The following IL5 variants were observed in gnomAD, a reference collection of about 807,000 sequenced individuals.
The protein encoded by IL5 is interleukin-5.
In IL5, 12 loss-of-function variants were observed where a neutral mutation model predicts 16.3. The ratio of observed to expected loss-of-function variants is 0.74; its 90% confidence interval spans 0.47 to 1.20. The LOEUF is 1.20. Among genes scored for constraint, IL5 ranks in the 50% most tolerant of loss-of-function variants. The pLI is 0.00. For missense variants in IL5, 159 were observed against 153.9 expected, an observed-to-expected ratio of 1.03 and a Z score of -0.17; for synonymous variants, 54 against 56.6, an observed-to-expected ratio of 0.95 and a Z score of 0.21.
At chr5:132,552,346 A>G (rs1025874242) in intron 1 of IL5, among the ~76,000 whole-genome samples, 1 of 152,212 alleles carries the variant, frequency 6.6e-6, no homozygotes, top group Non-Finnish European at 1.5e-5. Context: ...AGTATCTCAT[A>G]GTAGTTTTAT....
intron 2 of IL5, 80 bp downstream of exon 2, chr5:132,543,014 T>C (rs1302144938): frequency 6.7e-6 from 7 of 1,044,962 alleles, no homozygotes; most frequent in African/African-American, 1.6e-5. Flanking sequence ...ATAGTTCCAA[T>C]GATAACTAAT....
intron 1 of IL5, among the ~76,000 whole-genome samples, chr5:132,551,512 G>A (rs753339829): frequency 2.0e-5 from 3 of 152,030 alleles, no homozygotes; most frequent in Non-Finnish European, 4.4e-5. Context: ...GAGGTGAATT[G>A]GCATGTCTAC....
At chr5:132,556,802 T>C (rs1381562269) in exon 1 of IL5, 2 of 1,204,940 alleles carry the variant, frequency 1.7e-6, no homozygotes, top group South Asian at 1.8e-5. Context: ...CTCTCCAGGC[T>C]GCCCATCCCC....
upstream of IL5, among the ~76,000 whole-genome samples, chr5:132,547,728 G>A (rs1749815732): frequency 6.6e-6 from 1 of 152,180 alleles, no homozygotes; most frequent in African/African-American, 2.4e-5. Flanking sequence ...TAACAGTCTT[G>A]AAACTTCTCT....
chr5:132,543,202 A>T, intron 1 of IL5, 76 bp from the exon 2 acceptor site: 2 of 1,463,748 alleles, frequency 1.4e-6, no homozygotes, highest in South Asian at 2.3e-5. Context: ...TTTGCTGGTG[A>T]TGTAGTTATC....
chr5:132,548,936 G>A (rs1749837705), intron 1 of IL5, among the ~76,000 whole-genome samples: 2 of 152,146 alleles, frequency 1.3e-5, no homozygotes, highest in African/African-American at 4.8e-5. Context: ...TGTAAGCTTT[G>A]TTCATATCAA....
At chr5:132,548,710 G>C (rs1247520735) in intron 1 of IL5, among the ~76,000 whole-genome samples, 1 of 152,148 alleles carries the variant, frequency 6.6e-6, no homozygotes, top group African/African-American at 2.4e-5. Flanking sequence ...CCCTATCCAG[G>C]ATTGGTGCTC....
At chr5:132,542,968 C>T in intron 2 of IL5, 126 bp downstream of exon 2, 2 of 696,332 alleles carry the variant, frequency 2.9e-6, no homozygotes, top group South Asian at 1.7e-5. Context: ...CAGACATTCA[C>T]AGCCACCCAT....
chr5:132,548,084 T>A (rs1476530024), upstream of IL5, among the ~76,000 whole-genome samples: 1 of 151,926 alleles, frequency 6.6e-6, no homozygotes, highest in Non-Finnish European at 1.5e-5. Flanking sequence ...AATAAATAAA[T>A]AAATAATAAT....
upstream of IL5, among the ~76,000 whole-genome samples, chr5:132,546,660 C>T (rs1211723406): frequency 6.6e-6 from 1 of 152,032 alleles, no homozygotes; most frequent in African/African-American, 2.4e-5. Flanking sequence ...TTAACTTTTC[C>T]TCTATAAGTG....
chr5:132,549,761 T>G (rs1389904533), intron 1 of IL5, among the ~76,000 whole-genome samples: 2 of 152,234 alleles, frequency 1.3e-5, no homozygotes, highest in Non-Finnish European at 1.5e-5. Flanking sequence ...CATGAACTGA[T>G]TCTAATCAAC....
intron 1 of IL5, among the ~76,000 whole-genome samples, chr5:132,551,935 T>C (rs1321893229): frequency 6.6e-6 from 1 of 152,148 alleles, no homozygotes; most frequent in Non-Finnish European, 1.5e-5. Context: ...CATGTACCAA[T>C]ATTAATATCA....
intron 2 of IL5, 98 bp downstream of exon 2, chr5:132,542,996 A>C: frequency 1.1e-6 from 1 of 908,900 alleles, no homozygotes; most frequent in Non-Finnish European, 1.8e-6. Flanking sequence ...CAAAATATAG[A>C]AAATTAAATA....
chr5:132,551,123 A>G (rs2149826576), intron 1 of IL5, among the ~76,000 whole-genome samples: 1 of 152,352 alleles, frequency 6.6e-6, no homozygotes, highest in East Asian at 1.9e-4. Flanking sequence ...CAAGGAATAA[A>G]GAAAGCTTGG....
chr5:132,543,512 A>G lies in IL5; in HGVS notation c.-34T>C. ...AACGTTCTGCGTTTGCCTTTGGCAAAGAAAGTGCATAGTACAAGACTGCGT... is the reference window on the plus strand; with the variant it reads ...AACGTTCTGCGTTTGCCTTTGGCAAGGAAAGTGCATAGTACAAGACTGCGT... On this transcript the variant is annotated 5_prime_UTR_variant, in exon 1 of 4. Coordinates refer to ENST00000231454, the MANE Select transcript of IL5 (RefSeq NM_000879.3). The G allele has an allele frequency of 6.2e-7, 1 of 1,610,016 alleles. No homozygotes were observed. Among genetic ancestry groups the G allele is most frequent in the South Asian group, 1.1e-5 (1 of 90,500 alleles).
upstream of IL5, among the ~76,000 whole-genome samples, chr5:132,547,048 A>G (rs968317778): frequency 6.6e-6 from 1 of 152,154 alleles, no homozygotes; most frequent in Non-Finnish European, 1.5e-5. Context: ...GAGCTTTATT[A>G]ATGCAAAACT....
At chr5:132,547,841 G>A (rs190850313), upstream of IL5, among the ~76,000 whole-genome samples, 1 of 152,240 alleles carries the variant, frequency 6.6e-6, no homozygotes, top group East Asian at 1.9e-4. Context: ...AGGCTGAGGT[G>A]GGTGGATTGG....
At chr5:132,544,556 T>C (rs768439130), upstream of IL5, among the ~76,000 whole-genome samples, 3 of 152,224 alleles carry the variant, frequency 2.0e-5, no homozygotes, top group Non-Finnish European at 4.4e-5. Flanking sequence ...TTTCACACCT[T>C]GGGCGGGCCA....
At chr5:132,553,871 G>A (rs1749924935) in intron 1 of IL5, among the ~76,000 whole-genome samples, 1 of 148,158 alleles carries the variant, frequency 6.7e-6, no homozygotes, top group Admixed American at 6.9e-5. Context: ...CCCGGGAGGC[G>A]GAGCTTCCAG....
Sources: gnomAD v4.1 joint callset for allele counts (sites outside exome capture counted in the v4.1 genomes callset) on GRCh38, gnomAD v4.1.1 for gene constraint, MANE v1.5 for transcripts, NCBI Gene and HGNC (gene_info 2026-07-23, HGNC 2026-07-21) for gene names.